SNX29: variants seen among roughly 807,000 people sequenced by gnomAD.
SNX29 encodes the protein sorting nexin 29.
In SNX29, 78 loss-of-function variants were observed where a neutral mutation model predicts 102.1. That is an observed-to-expected ratio of 0.76 (90% confidence interval 0.64 to 0.92). The LOEUF is 0.92. SNX29 is among the 40% of genes least tolerant of loss of function. The pLI, the probability that SNX29 is intolerant of heterozygous loss-of-function variation, is 0.00. For missense variants in SNX29, 1,280 were observed against 1,061.7 expected (o/e 1.21, Z -2.86); for synonymous variants, 580 against 414.5 (o/e 1.40, Z -4.85).
intron 20 of SNX29, among the ~76,000 whole-genome samples, chr16:12,563,668 G>A (rs1476914120): frequency 2.6e-5 from 4 of 152,116 alleles, no homozygotes; most frequent in Admixed American, 2.0e-4. Flanking sequence ...TCAATTCCCC[G>A]AGAGCCCATG....
intron 3 of SNX29, among the ~76,000 whole-genome samples, chr16:12,017,180 C>A (rs1354747525): frequency 6.6e-6 from 1 of 152,116 alleles, no homozygotes; most frequent in Admixed American, 6.6e-5. Context: ...AAAGGTATAG[C>A]AATTCATATT....
At chr16:12,454,334 C>G (rs1395808087) in intron 18 of SNX29, among the ~76,000 whole-genome samples, 2 of 152,158 alleles carry the variant, frequency 1.3e-5, no homozygotes, top group Non-Finnish European at 2.9e-5. Flanking sequence ...TGGACTGCCT[C>G]CCTGCAGACT....
intron 18 of SNX29, among the ~76,000 whole-genome samples, chr16:12,403,779 G>T (rs1188466462): frequency 6.6e-6 from 1 of 152,212 alleles, no homozygotes; most frequent in African/African-American, 2.4e-5. Flanking sequence ...TCTCAGCTCA[G>T]ACTGCATGAG....
intron 14 of SNX29, among the ~76,000 whole-genome samples, chr16:12,271,865 C>T (rs187152751): frequency 2.0e-5 from 3 of 152,242 alleles, no homozygotes; most frequent in South Asian, 2.1e-4. Flanking sequence ...TCAAGTGATC[C>T]GCCTGCCTTA....
intron 20 of SNX29, among the ~76,000 whole-genome samples, chr16:12,562,066 C>T (rs1170681319): frequency 2.0e-5 from 3 of 152,080 alleles, no homozygotes; most frequent in South Asian, 4.1e-4. Flanking sequence ...TTTTCCTTCC[C>T]GTGTTTTCTG....
At chr16:12,544,493 G>C (rs1280567779) in intron 20 of SNX29, among the ~76,000 whole-genome samples, 2 of 152,158 alleles carry the variant, frequency 1.3e-5, no homozygotes, top group African/African-American at 4.8e-5. Context: ...GGGGTCGGCT[G>C]GGGTCTAGAT....
At chr16:12,138,011 C>G (rs1436805923) in intron 13 of SNX29, among the ~76,000 whole-genome samples, 1 of 152,118 alleles carries the variant, frequency 6.6e-6, no homozygotes, top group Non-Finnish European at 1.5e-5. Flanking sequence ...GCTGTCAGGA[C>G]TCAACAGAAA....
chr16:12,571,167 G>A lies in SNX29; in HGVS notation c.*2538G>A, dbSNP rs1024121786. 1 of 232,452 alleles carries A rather than the reference G, an allele frequency of 4.3e-6. No individual in the cohort carries two copies. Among genetic ancestry groups the A allele is most frequent in the Non-Finnish European group, 8.5e-6 (1 of 117,600 alleles). 14.4% of individuals were successfully genotyped at this position (232,452 alleles called of 1,614,324 possible). ...TTGCTGCTCAGAAGAATCCCGTCCT[G>A]CTCTCTAGTGTGGTGGGATGAACTT... On this transcript the variant is annotated 3_prime_UTR_variant, in exon 21 of 21. Transcript: ENST00000566228.
chr16:12,052,558 C>G (rs1335017478), intron 8 of SNX29: 3 of 308,932 alleles, frequency 9.7e-6, no homozygotes, highest in Non-Finnish European at 1.9e-5. Context: ...TCACTGTTTT[C>G]TCTTTCTATG....
At chr16:12,503,768 CTTA>C (rs1386941699) in intron 19 of SNX29, among the ~76,000 whole-genome samples, 3 of 152,176 alleles carry the variant, frequency 2.0e-5, no homozygotes, top group Admixed American at 6.5e-5. Flanking sequence ...CAGGCCCAGA[CTTA>C]TTATGGCAAT....
intron 11 of SNX29, among the ~76,000 whole-genome samples, chr16:12,092,219 A>T (rs1047048500): frequency 6.6e-6 from 1 of 152,146 alleles, no homozygotes; most frequent in African/African-American, 2.4e-5. Flanking sequence ...TTTGTCTGCT[A>T]GTTAATTGCC....
chr16:12,276,706 G>A (rs999487733), intron 14 of SNX29, among the ~76,000 whole-genome samples: 3 of 152,154 alleles, frequency 2.0e-5, no homozygotes, highest in African/African-American at 7.2e-5. Flanking sequence ...TTTGCCCTTG[G>A]TGTGGGAGGT....
intron 4 of SNX29, among the ~76,000 whole-genome samples, chr16:12,039,281 T>C (rs2057563106): frequency 6.6e-6 from 1 of 152,248 alleles, no homozygotes; most frequent in Non-Finnish European, 1.5e-5. Flanking sequence ...GTTACCCCAG[T>C]AACCCTGGGC....
At chr16:12,026,978 C>A (rs1185135038) in intron 3 of SNX29, among the ~76,000 whole-genome samples, 1 of 152,168 alleles carries the variant, frequency 6.6e-6, no homozygotes, top group African/African-American at 2.4e-5. Context: ...TCCAACCGCT[C>A]CCCACACTGA....
chr16:12,185,938 G>A (rs1229715837), intron 13 of SNX29, among the ~76,000 whole-genome samples: 1 of 152,174 alleles, frequency 6.6e-6, no homozygotes, highest in African/African-American at 2.4e-5. Context: ...TGTTTCCTAG[G>A]TTCTGTCACT....
intron 19 of SNX29, among the ~76,000 whole-genome samples, chr16:12,521,438 T>C (rs1338361053): frequency 6.6e-6 from 1 of 151,986 alleles, no homozygotes; most frequent in Non-Finnish European, 1.5e-5. Flanking sequence ...ATGGATGGAA[T>C]TCTCTAACCT....
chr16:12,238,204 TA>T (rs371006378), intron 14 of SNX29, among the ~76,000 whole-genome samples: 115 of 148,210 alleles, frequency 7.8e-4, no homozygotes, highest in African/African-American at 1.6e-3. Context: ...GTAACAGTTG[TA>T]AAAAAAAAAT....
rs2079239711 is a variant in SNX29 at position 12,573,988 on chromosome 16, G to C, written c.*5359G>C. On this transcript the variant is annotated 3_prime_UTR_variant, in exon 21 of 21. Coordinates refer to ENST00000566228, the MANE Select transcript of SNX29 (RefSeq NM_032167.5). ...CCCCACTAGGGGGCGCCCATGATCG[G>C]CTCCCAGTGCACCCCCTTAAGGGTA... is the stretch of plus-strand genomic sequence containing the variant. 2 of 198,462 alleles carry C rather than the reference G, an allele frequency of 1.0e-5. No individual in the cohort carries two copies. 12.3% of individuals were successfully genotyped at this position (198,462 alleles called of 1,614,324 possible).
intron 14 of SNX29, among the ~76,000 whole-genome samples, chr16:12,204,214 C>T (rs1033563713): frequency 2.6e-5 from 4 of 152,192 alleles, no homozygotes; most frequent in African/African-American, 7.2e-5. Flanking sequence ...CTGTGCCTGG[C>T]GTGACAGTCC....
Sources: allele counts gnomAD v4.1 joint callset (sites outside exome capture counted in the v4.1 genomes callset), GRCh38; gene constraint gnomAD v4.1.1; transcripts MANE v1.5; gene names NCBI Gene and HGNC (gene_info 2026-07-23, HGNC 2026-07-21).